Variants in GLIS3 observed in about 807,000 individuals in gnomAD.
GLIS3 encodes the protein GLIS family zinc finger 3, also known as zinc finger protein GLIS3.
In GLIS3, 53 loss-of-function variants were observed where a neutral mutation model predicts 78.6. The ratio of observed to expected loss-of-function variants is 0.67; its 90% CI spans 0.54 to 0.85. The LOEUF (loss-of-function observed/expected upper bound fraction) is 0.85, where lower values mean the gene tolerates loss of function less well. Among genes scored for constraint, GLIS3 ranks in the 40% least tolerant of loss-of-function variants. The pLI, the probability that GLIS3 is intolerant of heterozygous loss-of-function variation, is 0.00. For missense variants in GLIS3, 1,703 were observed against 1,231.1 expected (o/e 1.38, Z -5.74); for synonymous variants, 684 against 509.9 (o/e 1.34, Z -4.60).
chr9:4,291,923 C>T (rs1416575048), intron 1 of GLIS3, among the ~76,000 whole-genome samples: 1 of 152,094 alleles, frequency 6.6e-6, no homozygotes, highest in Non-Finnish European at 1.5e-5. Context: ...TACTTTGCCC[C>T]AGTCATTAAC....
intron 4 of GLIS3, among the ~76,000 whole-genome samples, chr9:4,006,864 G>A (rs543574269): frequency 9.9e-5 from 15 of 152,266 alleles, no homozygotes. Flanking sequence ...AAACTCCTAC[G>A]GTGCTGCTGT....
chr9:4,277,884 A>C (rs1186748180), intron 2 of GLIS3, among the ~76,000 whole-genome samples: 1 of 152,186 alleles, frequency 6.6e-6, no homozygotes, highest in Non-Finnish European at 1.5e-5. Context: ...AGTAGGGGAA[A>C]TACAATATAA....
At chr9:3,878,134 G>A (rs1462378004) in intron 8 of GLIS3, among the ~76,000 whole-genome samples, 5 of 151,942 alleles carry the variant, frequency 3.3e-5, no homozygotes, top group Non-Finnish European at 7.4e-5. Flanking sequence ...TGCCCCCACT[G>A]AGGCATCCAG....
intron 4 of GLIS3, among the ~76,000 whole-genome samples, chr9:4,090,009 G>A (rs963780708): frequency 2.6e-5 from 4 of 152,280 alleles, no homozygotes; most frequent in East Asian, 1.9e-4. Flanking sequence ...TCTGCTCCTC[G>A]CTTGCTCCCT....
intron 6 of GLIS3, among the ~76,000 whole-genome samples, chr9:3,925,173 A>G (rs1825135960): frequency 6.6e-6 from 1 of 152,246 alleles, no homozygotes; most frequent in East Asian, 1.9e-4. Flanking sequence ...GCTTTCAGAC[A>G]GTAAATATAA....
At chr9:4,292,836 T>A (rs762443972) in intron 1 of GLIS3, among the ~76,000 whole-genome samples, 2 of 152,190 alleles carry the variant, frequency 1.3e-5, no homozygotes, top group Non-Finnish European at 2.9e-5. Context: ...CTTTGAGAAC[T>A]GAGTCTTTCA....
At chr9:4,242,551 G>A (rs1294474851) in intron 2 of GLIS3, among the ~76,000 whole-genome samples, 3 of 152,134 alleles carry the variant, frequency 2.0e-5, no homozygotes, top group Admixed American at 1.3e-4. Context: ...CCCTGGCTGA[G>A]GGAGGTTGTC....
intron 2 of GLIS3, among the ~76,000 whole-genome samples, chr9:4,321,347 A>T (rs12235808): frequency 1.2e-5 from 1 of 84,938 alleles, no homozygotes; most frequent in Non-Finnish European, 2.1e-5. Flanking sequence ...GCGTGAACCC[A>T]GGAGGCGGAG....
At chr9:4,047,752 C>T (rs1825372401) in intron 4 of GLIS3, among the ~76,000 whole-genome samples, 1 of 152,106 alleles carries the variant, frequency 6.6e-6, no homozygotes, top group South Asian at 2.1e-4. Context: ...AAAGGGAACC[C>T]TAGTTGATTC....
chr9:4,108,749 T>C (rs1409267991), intron 4 of GLIS3, among the ~76,000 whole-genome samples: 1 of 152,178 alleles, frequency 6.6e-6, no homozygotes, highest in East Asian at 1.9e-4. Flanking sequence ...GATAACTGTC[T>C]GGTGAGAGAA....
At position 4,338,366 on chromosome 9, in the gene GLIS3, GTACACACACACACACACACACA is replaced by G. The variant is rs1450226806; in HGVS notation, n.264+8693_264+8714del. On this transcript the variant is annotated intron_variant and non_coding_transcript_variant, in intron 2 of 4. Coordinates refer to the GLIS3 transcript ENST00000471664. The stretch of plus-strand genomic sequence containing the variant: ...AGATGGATTTCTATTATATATGTGT[GTACACACACACACACACACACA>G]TACACACACACACACACACACAATT... Among the ~76,000 whole-genome samples, 51 of 133,710 alleles carry G rather than the reference GTACACACACACACACACACACA, an allele frequency of 3.8e-4. 1 individual carries two copies. Among genetic ancestry groups the G allele is most frequent in the Middle Eastern group, 3.8e-3 (1 of 260 alleles). 87.7% of individuals were successfully genotyped at this position (133,710 alleles called of 152,430 possible). A position where few individuals can be genotyped will look rare whatever the true frequency, so the allele number is the denominator to read the frequency against.
At chr9:4,050,555 C>G (rs117958423) in intron 4 of GLIS3, among the ~76,000 whole-genome samples, 6,702 of 152,038 alleles carry the variant, frequency 0.044, 207 homozygotes, top group Non-Finnish European at 0.061. Flanking sequence ...ATGTATCAAA[C>G]CTGCAGCTTG....
intron 6 of GLIS3, among the ~76,000 whole-genome samples, chr9:3,914,714 T>C (rs1160504421): frequency 1.3e-5 from 2 of 152,186 alleles, no homozygotes; most frequent in Non-Finnish European, 2.9e-5. Context: ...AACAGAAATT[T>C]CAAGCTGATT....
At chr9:4,383,664 A>G in the GLIS3 span, among the ~76,000 whole-genome samples, 1 of 152,336 alleles carries the variant, frequency 6.6e-6, no homozygotes, top group Non-Finnish European at 1.5e-5. Context: ...CTAGATGTAT[A>G]AGTCCAAAAG....
At chr9:4,028,029 T>A (rs893849892) in intron 4 of GLIS3, among the ~76,000 whole-genome samples, 4 of 152,150 alleles carry the variant, frequency 2.6e-5, no homozygotes, top group African/African-American at 4.8e-5. Context: ...GCAACCCGGA[T>A]CCACTACAGC....
intron 4 of GLIS3, among the ~76,000 whole-genome samples, chr9:3,989,058 T>C (rs542518769): frequency 3.0e-4 from 46 of 152,060 alleles, no homozygotes; most frequent in African/African-American, 1.0e-3. Context: ...CAAAACTCAA[T>C]AGTAATAAAA....
chr9:4,059,829 T>TGTGAGAGAGA lies in GLIS3; in HGVS notation c.1710+57938_1710+57939insTCTCTCTCAC. On this transcript the variant is annotated intron_variant, in intron 4 of 10. Coordinates refer to ENST00000381971, the MANE Select transcript of GLIS3 (RefSeq NM_001042413.2). ...TTGTGTGTGTGTGTGTGTGTGTGTGTGAGAGAGAGAGAGAGAGAGAGAGAG... is the reference window on the plus strand; with the variant it reads ...TTGTGTGTGTGTGTGTGTGTGTGTGTGTGAGAGAGAGAGAGAGAGAGAGAGAGAGAGAGAG... Among the ~76,000 whole-genome samples, 107 of 100,704 alleles carry TGTGAGAGAGA rather than the reference T, an allele frequency of 1.1e-3. 1 individual carries two copies. Among genetic ancestry groups the TGTGAGAGAGA allele is most frequent in the African/African-American group, 3.4e-3 (99 of 29,502 alleles). 66.1% of individuals were successfully genotyped at this position (100,704 alleles called of 152,430 possible).
chr9:4,197,601 G>C (rs1818985789), intron 2 of GLIS3, among the ~76,000 whole-genome samples: 2 of 152,270 alleles, frequency 1.3e-5, no homozygotes, highest in Non-Finnish European at 2.9e-5. Flanking sequence ...CCTGCTGCTG[G>C]GGAAGTGTAG....
chr9:4,222,051 C>T (rs1272582140), intron 2 of GLIS3, among the ~76,000 whole-genome samples: 1 of 152,190 alleles, frequency 6.6e-6, no homozygotes, highest in East Asian at 1.9e-4. Flanking sequence ...AGCCACAGAC[C>T]TCAAGGGAGC....
Sources: gnomAD v4.1 joint callset for allele counts (sites outside exome capture counted in the v4.1 genomes callset) on GRCh38, gnomAD v4.1.1 for gene constraint, MANE v1.5 for transcripts, NCBI Gene and HGNC (gene_info 2026-07-23, HGNC 2026-07-21) for gene names.